NEGR1: variants seen among roughly 807,000 people sequenced by gnomAD.
NEGR1 encodes IgLON family member 4.
NEGR1 carries 10 observed loss-of-function variants against 40.9 expected under a neutral mutation model. The observed-to-expected ratio is 0.24, with a 90% CI of 0.15 to 0.42. The LOEUF is 0.42. Ranked by LOEUF, NEGR1 falls within the 10% of genes least tolerant of loss-of-function variation. NEGR1 has a pLI of 1.00. For missense variants in NEGR1, 352 were observed against 438.9 expected, an observed-to-expected ratio of 0.80 and a Z score of 1.77; for synonymous variants, 185 against 166.8, an observed-to-expected ratio of 1.11 and a Z score of -0.84.
chr1:72,270,396 T>C (rs1263691794), intron 1 of NEGR1, among the ~76,000 whole-genome samples: 1 of 151,916 alleles, frequency 6.6e-6, no homozygotes, highest in African/African-American at 2.4e-5. Flanking sequence ...AATGGCAATG[T>C]ATAGGGAAAG....
intron 3 of NEGR1, among the ~76,000 whole-genome samples, chr1:71,716,805 G>A (rs1348084713): frequency 6.6e-6 from 1 of 152,040 alleles, no homozygotes; most frequent in African/African-American, 2.4e-5. Context: ...ATCCCATTTA[G>A]TGGTCTAAGA....
intron 1 of NEGR1, among the ~76,000 whole-genome samples, chr1:72,236,822 T>C (rs1160762349): frequency 6.6e-6 from 1 of 152,016 alleles, no homozygotes; most frequent in African/African-American, 2.4e-5. Context: ...ATATATAAAA[T>C]AATCTATAGA....
intron 6 of NEGR1, among the ~76,000 whole-genome samples, chr1:71,428,826 G>C (rs1379080438): frequency 1.3e-5 from 2 of 151,762 alleles, no homozygotes; most frequent in Admixed American, 1.3e-4. Flanking sequence ...TAAGCACTTT[G>C]CAATGCTGCC....
intron 1 of NEGR1, among the ~76,000 whole-genome samples, chr1:72,041,775 C>G (rs1297931368): frequency 6.8e-6 from 1 of 146,016 alleles, no homozygotes; most frequent in African/African-American, 2.5e-5. Flanking sequence ...GAGATGCACC[C>G]CATAGGCTTA....
intron 1 of NEGR1, among the ~76,000 whole-genome samples, chr1:72,193,146 A>C (rs527940586): frequency 1.3e-5 from 2 of 151,906 alleles, no homozygotes; most frequent in South Asian, 4.2e-4. Context: ...CAATATAATT[A>C]ATATTTGTCA....
intron 1 of NEGR1, among the ~76,000 whole-genome samples, chr1:72,191,154 T>C (rs780330619): frequency 1.3e-5 from 2 of 151,802 alleles, no homozygotes; most frequent in Non-Finnish European, 2.9e-5. Context: ...TACAGGATAC[T>C]GAATGCATAA....
chr1:72,112,852 G>A (rs535264873), intron 1 of NEGR1, among the ~76,000 whole-genome samples: 1 of 151,484 alleles, frequency 6.6e-6, no homozygotes, highest in Admixed American at 6.6e-5. Context: ...GGGTTTTGGG[G>A]GAGGAATTTG....
At chr1:72,239,860 C>T (rs1334512276) in intron 1 of NEGR1, among the ~76,000 whole-genome samples, 4 of 151,626 alleles carry the variant, frequency 2.6e-5, no homozygotes, top group African/African-American at 9.7e-5. Flanking sequence ...AAATTGAACT[C>T]CGATGATTTT....
At chr1:71,494,389 C>G (rs975428739) in intron 6 of NEGR1, among the ~76,000 whole-genome samples, 7 of 152,152 alleles carry the variant, frequency 4.6e-5, no homozygotes, top group Non-Finnish European at 1.0e-4. Context: ...GTGTGTATTG[C>G]CACACATTGT....
At chr1:71,866,970 G>A (rs1660132205) in intron 2 of NEGR1, among the ~76,000 whole-genome samples, 1 of 152,182 alleles carries the variant, frequency 6.6e-6, no homozygotes, top group South Asian at 2.1e-4. Context: ...ATGCAACAGT[G>A]TAGAAGAAAG....
chr1:71,428,079 T>A (rs1211901039), intron 6 of NEGR1, among the ~76,000 whole-genome samples: 1 of 151,942 alleles, frequency 6.6e-6, no homozygotes, highest in African/African-American at 2.4e-5. Context: ...ACAAAGACAC[T>A]TACTGAAAGG....
chr1:71,935,380 A>G, intron 1 of NEGR1, 69 bp from the exon 2 acceptor site: 1 of 1,148,168 alleles, frequency 8.7e-7, no homozygotes, highest in Non-Finnish European at 1.3e-6. Flanking sequence ...TTTTGTTCTG[A>G]GTGTTTTTTT....
At chr1:71,602,850 A>G (rs1280103696) in intron 5 of NEGR1, among the ~76,000 whole-genome samples, 1 of 152,112 alleles carries the variant, frequency 6.6e-6, no homozygotes, top group East Asian at 1.9e-4. Context: ...AATAATATGT[A>G]TTTGTGTCTC....
At chr1:72,126,335 T>TA (rs890984219) in intron 1 of NEGR1, among the ~76,000 whole-genome samples, 4 of 152,184 alleles carry the variant, frequency 2.6e-5, no homozygotes, top group Non-Finnish European at 5.9e-5. Context: ...ATAACTTTCT[T>TA]AAAAAGTTTT....
At chr1:72,210,648 T>C (rs1653569156) in intron 1 of NEGR1, among the ~76,000 whole-genome samples, 1 of 151,870 alleles carries the variant, frequency 6.6e-6, no homozygotes, top group Non-Finnish European at 1.5e-5. Flanking sequence ...GAAAGCTTTC[T>C]AGTTCTCATA....
intron 6 of NEGR1, among the ~76,000 whole-genome samples, chr1:71,511,586 G>T (rs1422642664): frequency 1.3e-5 from 2 of 152,190 alleles, no homozygotes; most frequent in Non-Finnish European, 2.9e-5. Flanking sequence ...AAGTTCCACA[G>T]AATTGAAGCA....
intron 2 of NEGR1, among the ~76,000 whole-genome samples, chr1:71,843,766 T>C (rs1659318112): frequency 6.6e-6 from 1 of 152,150 alleles, no homozygotes; most frequent in Non-Finnish European, 1.5e-5. Flanking sequence ...AATCTGAAAT[T>C]GACCTATTTT....
At chr1:71,515,565 C>A (rs1647115117) in intron 6 of NEGR1, among the ~76,000 whole-genome samples, 1 of 50,464 alleles carries the variant, frequency 2.0e-5, no homozygotes, top group Non-Finnish European at 3.5e-5. Flanking sequence ...AAAAGAGCTC[C>A]TGAAGGAAGC....
chr1:71,887,821 A>G (rs1660767308), intron 2 of NEGR1, among the ~76,000 whole-genome samples: 1 of 152,146 alleles, frequency 6.6e-6, no homozygotes, highest in Admixed American at 6.5e-5. Flanking sequence ...AAGGATAAGC[A>G]ATATATATTC....
Sources: allele counts gnomAD v4.1 joint callset (sites outside exome capture counted in the v4.1 genomes callset), GRCh38; gene constraint gnomAD v4.1.1; transcripts MANE v1.5; gene names NCBI Gene and HGNC (gene_info 2026-07-23, HGNC 2026-07-21).